Variants in PCDHGA2 observed in about 807,000 individuals in gnomAD.
The protein encoded by PCDHGA2 is protocadherin gamma subfamily A, 2.
In PCDHGA2, 40 loss-of-function variants were observed where a neutral mutation model predicts 59.2. The observed-to-expected ratio is 0.68, with a 90% CI of 0.52 to 0.88. The LOEUF (loss-of-function observed/expected upper bound fraction) is 0.88, where lower values mean the gene tolerates loss of function less well. Ranked by LOEUF, PCDHGA2 falls within the 40% of genes least tolerant of loss-of-function variation. PCDHGA2 has a pLI of 0.00. For missense variants in PCDHGA2, 1,226 were observed against 1,204.0 expected, an observed-to-expected ratio of 1.02 and a Z score of -0.27; for synonymous variants, 560 against 526.0, an observed-to-expected ratio of 1.06 and a Z score of -0.89.
intron 1 of PCDHGA2, among the ~76,000 whole-genome samples, chr5:141,368,072 C>G (rs1432840614): frequency 6.6e-6 from 1 of 152,176 alleles, no homozygotes; most frequent in Non-Finnish European, 1.5e-5. Context: ...TATTTCCCTT[C>G]TGCATCTGAT....
At chr5:141,370,420 G>T (rs1766894267) in intron 1 of PCDHGA2, 2 of 1,580,404 alleles carry the variant, frequency 1.3e-6, no homozygotes, top group Non-Finnish European at 1.7e-6. Flanking sequence ...GGATGGAGGG[G>T]CCCAGCAGGG....
At chr5:141,372,551 C>T (rs758593544) in intron 1 of PCDHGA2, 2 of 1,614,030 alleles carry the variant, frequency 1.2e-6, no homozygotes, top group South Asian at 1.1e-5. Flanking sequence ...GATGCTCCTC[C>T]AGACCCGCCA....
At chr5:141,374,401 T>C in intron 1 of PCDHGA2, 7 of 1,614,060 alleles carry the variant, frequency 4.3e-6, no homozygotes, top group Non-Finnish European at 5.1e-6. Flanking sequence ...TGGTGAGTTT[T>C]AACATCCTTG....
intron 2 of PCDHGA2, among the ~76,000 whole-genome samples, chr5:141,498,411 C>T (rs747823234): frequency 2.0e-5 from 3 of 152,158 alleles, no homozygotes; most frequent in Non-Finnish European, 4.4e-5. Context: ...TTTCTCTTTG[C>T]TGGCACTGGA....
intron 1 of PCDHGA2, chr5:141,410,735 T>A (rs2095420224): frequency 1.5e-6 from 2 of 1,336,188 alleles, no homozygotes; most frequent in East Asian, 4.7e-5. Context: ...CATAGCTTTT[T>A]ACAATATTTT....
intron 1 of PCDHGA2, chr5:141,344,869 A>G (rs1757485357): frequency 3.7e-6 from 6 of 1,613,822 alleles, no homozygotes; most frequent in African/African-American, 1.3e-5. Context: ...CAAGTGTCTT[A>G]TATTCTAGAT....
chr5:141,506,444 CAAAAA>C (rs1219684339), intron 3 of PCDHGA2, among the ~76,000 whole-genome samples: 4 of 95,024 alleles, frequency 4.2e-5, no homozygotes, highest in Admixed American at 1.1e-4. Flanking sequence ...CGCTCTGTCT[CAAAAA>C]AAAAAAAAAA....
At position 141,485,135 on chromosome 5, in the gene PCDHGA2, G is replaced by A; in HGVS notation, c.2425-9672G>A. 6.7e-7 allele frequency: 1 copy of A among 1,500,498 alleles called. No individual in the cohort carries two copies. Among genetic ancestry groups the A allele is most frequent in the East Asian group, 2.3e-5 (1 of 44,254 alleles). 92.9% of individuals were successfully genotyped at this position (1,500,498 alleles called of 1,614,324 possible). A position where few individuals can be genotyped will look rare whatever the true frequency, so the allele number is the denominator to read the frequency against. On this transcript the variant is annotated intron_variant, in intron 1 of 3. Coordinates refer to ENST00000394576, the MANE Select transcript of PCDHGA2 (RefSeq NM_018915.4). The surrounding 1 kb of genome is among the most constrained non-coding windows in gnomAD (Gnocchi z 5.7). ...TGTTTGGGGCGGGTCGGCTTCATCCGCGTCTCAGGAGCAAGTAGAGAATTA... is the reference window on the plus strand; with the variant it reads ...TGTTTGGGGCGGGTCGGCTTCATCCACGTCTCAGGAGCAAGTAGAGAATTA...
rs757586675 is a variant in PCDHGA2, at chr5:141,399,621, C to T, written c.2424+58226C>T. The T allele has an allele frequency of 1.1e-5, 17 of 1,613,830 alleles. No individual in the cohort carries two copies. The African/African-American group carries it at 2.3e-4, about 22-fold the overall frequency. On this transcript the variant is annotated intron_variant, in intron 1 of 3. Transcript: ENST00000394576. Reference sequence around the variant, plus strand: ...GCGACCTAGAGCCTCTGGCACTGGCCTCTTACGTGTCCATGAGCGCGCAAA... The same window carrying T: ...GCGACCTAGAGCCTCTGGCACTGGCTTCTTACGTGTCCATGAGCGCGCAAA...
chr5:141,455,158 T>TG (rs1279537888), intron 1 of PCDHGA2, among the ~76,000 whole-genome samples: 46 of 145,032 alleles, frequency 3.2e-4, no homozygotes, highest in African/African-American at 1.0e-3. Flanking sequence ...ATTAGTTTGT[T>TG]GGTTTTTTTT....
Position 141,432,465 on chromosome 5 carries a change from C to G in PCDHGA2, c.2425-62342C>G. ...GAGATCCTGTACCCCGCCCTCCCCACGGACGGTTCCACTGGCGTGGAGCTG... is the reference window on the plus strand; with the variant it reads ...GAGATCCTGTACCCCGCCCTCCCCAGGGACGGTTCCACTGGCGTGGAGCTG... On this transcript the variant is annotated intron_variant, in intron 1 of 3. Transcript: ENST00000394576. The surrounding 1 kb of genome is among the most constrained non-coding windows in gnomAD (Gnocchi z 6.0). The G allele has an allele frequency of 6.2e-7, 1 of 1,614,222 alleles. No individual in the cohort carries two copies. Among genetic ancestry groups the G allele is most frequent in the Non-Finnish European group, 8.5e-7 (1 of 1,180,050 alleles).
chr5:141,410,502 T>C, intron 1 of PCDHGA2: 2 of 1,614,018 alleles, frequency 1.2e-6, no homozygotes, highest in Non-Finnish European at 1.7e-6. Context: ...TTTAATTTCC[T>C]AAAATGCAGT....
At chr5:141,384,987 G>A (rs775895766) in intron 1 of PCDHGA2, 14 of 1,614,114 alleles carry the variant, frequency 8.7e-6, no homozygotes, top group Non-Finnish European at 1.1e-5. Flanking sequence ...TGGTGGTGGC[G>A]GTGGCCACAG....
rs2092610841 is a variant in PCDHGA2 at position 141,392,842 on chromosome 5, G to C, written c.2424+51447G>C. 6.2e-7 allele frequency: 1 copy of C among 1,609,194 alleles called. No homozygotes were observed. The highest frequency in any genetic ancestry group is 8.5e-7 in the Non-Finnish European group (1 of 1,177,812). On this transcript the variant is annotated intron_variant, in intron 1 of 3. Transcript: ENST00000394576. ...GCCGCTCCACAGAGTCGCCCCAGACGCGGCGAGCTGATCCTGCTGTGCGCG... is the reference window on the plus strand; with the variant it reads ...GCCGCTCCACAGAGTCGCCCCAGACCCGGCGAGCTGATCCTGCTGTGCGCG...
intron 2 of PCDHGA2, among the ~76,000 whole-genome samples, chr5:141,495,407 C>T: frequency 6.6e-6 from 1 of 152,218 alleles, no homozygotes; most frequent in East Asian, 1.9e-4. Flanking sequence ...AGGCCCCCTT[C>T]TCCGGCCCCT....
chr5:141,354,321 T>C (rs1759514150), intron 1 of PCDHGA2, among the ~76,000 whole-genome samples: 1 of 152,240 alleles, frequency 6.6e-6, no homozygotes. Flanking sequence ...ATTACTACTC[T>C]ATGAAAGGTA....
chr5:141,414,271 C>T (rs1561747971), intron 1 of PCDHGA2: 3 of 1,613,292 alleles, frequency 1.9e-6, no homozygotes, highest in East Asian at 2.2e-5. Context: ...AGATTCACCT[C>T]TGGGAACAGT....
chr5:141,371,113 C>A lies in PCDHGA2; in HGVS notation c.2424+29718C>A. The A allele has an allele frequency of 6.2e-7, 1 of 1,613,950 alleles. No homozygotes were observed. Among genetic ancestry groups the A allele is most frequent in the Non-Finnish European group, 8.5e-7 (1 of 1,179,846 alleles). ...GTCGCAGATGCAAATGATAACCCCC[C>A]AGTATTTACTCAGGACATGTACAGG... On this transcript the variant is annotated intron_variant, in intron 1 of 3. Coordinates refer to ENST00000394576, the MANE Select transcript of PCDHGA2 (RefSeq NM_018915.4).
intron 1 of PCDHGA2, chr5:141,388,598 T>C: frequency 1.2e-6 from 2 of 1,613,920 alleles, no homozygotes; most frequent in Non-Finnish European, 1.7e-6. Context: ...CCAATGATAA[T>C]GCTCCAGTGT....
Sources: gnomAD v4.1 joint callset for allele counts (sites outside exome capture counted in the v4.1 genomes callset) on GRCh38, gnomAD v4.1.1 for gene constraint, Gnocchi (gnomAD v3.1) non-coding constraint, MANE v1.5 for transcripts, NCBI Gene and HGNC (gene_info 2026-07-23, HGNC 2026-07-21) for gene names.